The following ZNF892 variants were observed in gnomAD, a reference collection of about 807,000 sequenced individuals.
ZNF892 encodes the protein zinc finger protein 570-like.
chr2:95,216,266 A>G, the ZNF892 span, among the ~76,000 whole-genome samples: 4 of 152,234 alleles, frequency 2.6e-5, no homozygotes, highest in African/African-American at 9.6e-5. Context: ...CTGCAGGGTA[A>G]TGCAGGGTGT....
At chr2:95,234,745 C>T in the ZNF892 span, among the ~76,000 whole-genome samples, 2 of 152,250 alleles carry the variant, frequency 1.3e-5, no homozygotes, top group Non-Finnish European at 2.9e-5. Context: ...CTGTATGTCT[C>T]CTCATCTGGC....
the ZNF892 span, among the ~76,000 whole-genome samples, chr2:95,221,551 T>C: frequency 6.6e-6 from 1 of 152,172 alleles, no homozygotes; most frequent in Non-Finnish European, 1.5e-5. Context: ...GTATGGTTGG[T>C]TTTAGGGGCT....
the ZNF892 span, among the ~76,000 whole-genome samples, chr2:95,258,451 C>T: frequency 2.0e-5 from 3 of 152,038 alleles, no homozygotes; most frequent in Non-Finnish European, 4.4e-5. Flanking sequence ...CTAAGGGTGC[C>T]AAATAAGGAA....
the ZNF892 span, among the ~76,000 whole-genome samples, chr2:95,207,341 G>A: frequency 6.6e-6 from 1 of 152,238 alleles, no homozygotes. Context: ...CGAGGGAGGA[G>A]CGGCCCTTCC....
the ZNF892 span, among the ~76,000 whole-genome samples, chr2:95,234,603 G>A: frequency 6.6e-6 from 1 of 152,202 alleles, no homozygotes; most frequent in Non-Finnish European, 1.5e-5. Context: ...TTCCATAAAA[G>A]GCCCAAGAGG....
At chr2:95,244,694 T>C in the ZNF892 span, among the ~76,000 whole-genome samples, 4 of 152,316 alleles carry the variant, frequency 2.6e-5, no homozygotes, top group Admixed American at 2.6e-4. Context: ...GTGGACTTGA[T>C]AGATATCTAC....
At chr2:95,244,205 G>A in the ZNF892 span, among the ~76,000 whole-genome samples, 4 of 149,110 alleles carry the variant, frequency 2.7e-5, no homozygotes, top group Middle Eastern at 3.2e-3. Context: ...CAAACACTGC[G>A]GAAGGCCGCA....
the ZNF892 span, among the ~76,000 whole-genome samples, chr2:95,213,108 T>G: frequency 6.6e-6 from 1 of 152,240 alleles, no homozygotes; most frequent in African/African-American, 2.4e-5. Context: ...GCCAGCTCTG[T>G]ATTCCTCTAC....
chr2:95,242,847 T>A, the ZNF892 span, among the ~76,000 whole-genome samples: 2 of 151,936 alleles, frequency 1.3e-5, no homozygotes, highest in African/African-American at 2.4e-5. Flanking sequence ...ACGGTCTCCC[T>A]CTCCCCACGG....
At chr2:95,238,511 A>G in the ZNF892 span, among the ~76,000 whole-genome samples, 2 of 152,224 alleles carry the variant, frequency 1.3e-5, no homozygotes, top group African/African-American at 4.8e-5. Flanking sequence ...CATGCCTGCA[A>G]ATACAACATC....
chr2:95,227,279 A>G, the ZNF892 span, among the ~76,000 whole-genome samples: 1 of 151,664 alleles, frequency 6.6e-6, no homozygotes, highest in Non-Finnish European at 1.5e-5. Context: ...TTTACTACTC[A>G]TGTCCTGTAT....
chr2:95,213,515 G>C, the ZNF892 span, among the ~76,000 whole-genome samples: 1 of 152,140 alleles, frequency 6.6e-6, no homozygotes, highest in Admixed American at 6.5e-5. Context: ...ATCTTGAGAG[G>C]TTGGGGACTC....
the ZNF892 span, chr2:95,207,573 C>A: frequency 2.6e-6 from 1 of 380,524 alleles, no homozygotes; most frequent in Non-Finnish European, 4.6e-6. Context: ...CTGTTAGATG[C>A]CTTTGTCGTC....
the ZNF892 span, among the ~76,000 whole-genome samples, chr2:95,250,932 C>A: frequency 6.8e-6 from 1 of 146,344 alleles, no homozygotes; most frequent in Non-Finnish European, 1.5e-5. Flanking sequence ...TTTATATAAG[C>A]ATTTATGTAT....
the ZNF892 span, among the ~76,000 whole-genome samples, chr2:95,262,925 T>G: frequency 1.3e-5 from 2 of 152,192 alleles, no homozygotes; most frequent in Non-Finnish European, 2.9e-5. Context: ...ATAGGCAGAA[T>G]TCTAAAGATG....
chr2:95,250,037 A>T, the ZNF892 span, among the ~76,000 whole-genome samples: 2 of 152,144 alleles, frequency 1.3e-5, no homozygotes, highest in African/African-American at 4.8e-5. Flanking sequence ...TGTTTGTGAA[A>T]ATTTCATGAG....
At chr2:95,216,016 G>A in the ZNF892 span, among the ~76,000 whole-genome samples, 1 of 152,178 alleles carries the variant, frequency 6.6e-6, no homozygotes, top group Non-Finnish European at 1.5e-5. Context: ...TTCACAATGA[G>A]TTTGTCCAGA....
At chr2:95,218,135 C>A in the ZNF892 span, among the ~76,000 whole-genome samples, 1 of 152,158 alleles carries the variant, frequency 6.6e-6, no homozygotes, top group African/African-American at 2.4e-5. Flanking sequence ...CTGCTAAACC[C>A]ATCTGATCTA....
chr2:95,239,322 A>G, the ZNF892 span, among the ~76,000 whole-genome samples: 1 of 152,174 alleles, frequency 6.6e-6, no homozygotes, highest in Non-Finnish European at 1.5e-5. Context: ...AATGACAACA[A>G]AGGATTTAGA....
Sources: allele counts gnomAD v4.1 joint callset (sites outside exome capture counted in the v4.1 genomes callset), GRCh38; gene constraint gnomAD v4.1.1; transcripts MANE v1.5; gene names NCBI Gene and HGNC (gene_info 2026-07-23, HGNC 2026-07-21).